The following MAP2K4 variants were observed in gnomAD, a reference collection of about 807,000 sequenced individuals.
The protein encoded by MAP2K4 is dual specificity mitogen-activated protein kinase kinase 4.
A neutral mutation model predicts 48.5 loss-of-function variants in MAP2K4; 4 were observed. The observed-to-expected ratio is 0.08, with a 90% CI of 0.04 to 0.19. The LOEUF (loss-of-function observed/expected upper bound fraction) is 0.19, where lower values mean the gene tolerates loss of function less well. Ranked by LOEUF, MAP2K4 falls within the 10% of genes least tolerant of loss-of-function variation. The probability of loss-of-function intolerance (pLI) is 1.00; values close to 1 mark genes in which losing one functional copy is unlikely to be tolerated. For missense variants in MAP2K4, 258 were observed against 493.3 expected, an observed-to-expected ratio of 0.52 and a Z score of 4.52; for synonymous variants, 166 against 173.1, an observed-to-expected ratio of 0.96 and a Z score of 0.32.
Position 12,129,297 on chromosome 17 carries a change from T to G in MAP2K4, c.1040+10T>G. 6.2e-7 allele frequency: 1 copy of G among 1,614,216 alleles called. No individual in the cohort carries two copies. On this transcript the variant is annotated intron_variant, in intron 9 of 10. Coordinates refer to ENST00000353533, the MANE Select transcript of MAP2K4 (RefSeq NM_003010.4). ...ACTTTGTCAACTTGTGGTGAGTACCTGATTTATGAATGGTCGAACACGCAT... is the reference window on the plus strand; with the variant it reads ...ACTTTGTCAACTTGTGGTGAGTACCGGATTTATGAATGGTCGAACACGCAT...
intron 9 of MAP2K4, among the ~76,000 whole-genome samples, chr17:12,132,610 GAAA>G (rs920140357): frequency 7.2e-6 from 1 of 138,686 alleles, no homozygotes; most frequent in Non-Finnish European, 1.6e-5. Flanking sequence ...TTTTCCTAAG[GAAA>G]AAAAAAAAAG....
chr17:12,091,664 A>G (rs916878569), intron 3 of MAP2K4, among the ~76,000 whole-genome samples: 11 of 152,082 alleles, frequency 7.2e-5, no homozygotes, highest in African/African-American at 9.7e-5. Context: ...GTGACTCTCA[A>G]TTGGAGTGAT....
intron 3 of MAP2K4, 86 bp from the exon 4 acceptor site, chr17:12,095,488 GT>G: frequency 6.7e-7 from 1 of 1,483,496 alleles, no homozygotes; most frequent in Non-Finnish European, 9.4e-7. Flanking sequence ...TCTCGTAACG[GT>G]TTTTCTCTAC....
At chr17:12,123,507 C>G (rs1972759004) in intron 7 of MAP2K4, among the ~76,000 whole-genome samples, 1 of 152,050 alleles carries the variant, frequency 6.6e-6, no homozygotes, top group East Asian at 1.9e-4. Context: ...TGACTTTTCT[C>G]TATTGTTTTT....
At chr17:12,058,929 C>CT (rs1281392203) in intron 2 of MAP2K4, among the ~76,000 whole-genome samples, 1 of 152,102 alleles carries the variant, frequency 6.6e-6, no homozygotes, top group Admixed American at 6.5e-5. Context: ...AGAGTTCCTT[C>CT]TCTTGAAATC....
chr17:12,065,999 T>C (rs1970605936), intron 2 of MAP2K4, among the ~76,000 whole-genome samples: 2 of 152,196 alleles, frequency 1.3e-5, no homozygotes, highest in Middle Eastern at 6.3e-3. Context: ...TCAAGTTTCT[T>C]TTGAGAATTA....
chr17:12,095,453 A>G (rs774394083), intron 3 of MAP2K4, 122 bp from the exon 4 acceptor site: 2 of 960,408 alleles, frequency 2.1e-6, no homozygotes, highest in Non-Finnish European at 3.3e-6. Context: ...CATATCTGGT[A>G]TTTGTGAAGT....
intron 7 of MAP2K4, among the ~76,000 whole-genome samples, chr17:12,119,937 C>CTT (rs1972630135): frequency 6.6e-6 from 1 of 152,166 alleles, no homozygotes; most frequent in African/African-American, 2.4e-5. Flanking sequence ...CACATGTTCT[C>CTT]TTAAGTGGGA....
rs573877103 is a variant in MAP2K4, at chr17:12,049,265, C to T, written c.116-5624C>T. On this transcript the variant is annotated intron_variant, in intron 1 of 10. Coordinates refer to ENST00000353533, the MANE Select transcript of MAP2K4 (RefSeq NM_003010.4). ...TCTCTGCGATGTGATGTTCTGAATA[C>T]TTGTAAGTCAAATACCAATATTCTT... 2.0e-5 allele frequency among the ~76,000 whole-genome samples: 3 copies of T among 152,282 alleles called. No homozygotes were observed. In the South Asian group the frequency reaches 6.2e-4, roughly 32 times the overall value.
intron 2 of MAP2K4, among the ~76,000 whole-genome samples, chr17:12,060,979 C>T (rs1217519863): frequency 6.6e-6 from 1 of 152,058 alleles, no homozygotes; most frequent in Non-Finnish European, 1.5e-5. Context: ...CTTATTCTCC[C>T]TTCCTTCTAG....
chr17:12,117,301 C>T (rs149896633), intron 7 of MAP2K4, among the ~76,000 whole-genome samples: 257 of 152,158 alleles, frequency 1.7e-3, no homozygotes, highest in African/African-American at 2.6e-3. Context: ...AAATATGAAA[C>T]GTTACCAACA....
At chr17:12,088,461 T>C (rs71364146) in intron 3 of MAP2K4, among the ~76,000 whole-genome samples, 25 of 48,916 alleles carry the variant, frequency 5.1e-4, no homozygotes, top group African/African-American at 6.2e-4. Flanking sequence ...TTAAATATTA[T>C]ACAATATTAA....
At chr17:12,113,897 A>G (rs1405762565) in intron 7 of MAP2K4, among the ~76,000 whole-genome samples, 1 of 152,168 alleles carries the variant, frequency 6.6e-6, no homozygotes, top group Non-Finnish European at 1.5e-5. Context: ...TATCAAACTC[A>G]TCTTACCCCA....
At chr17:12,064,986 A>C (rs1970564928) in intron 2 of MAP2K4, among the ~76,000 whole-genome samples, 1 of 152,188 alleles carries the variant, frequency 6.6e-6, no homozygotes. Context: ...ATCTCTATGA[A>C]ATCTAGAGTA....
At chr17:12,115,816 C>G in intron 7 of MAP2K4, 1 of 726,062 alleles carries the variant, frequency 1.4e-6, no homozygotes, top group East Asian at 2.7e-5. Context: ...GCTCTGCTGA[C>G]AGGAGCTGCA....
intron 2 of MAP2K4, among the ~76,000 whole-genome samples, chr17:12,057,630 C>T (rs1412496873): frequency 6.6e-6 from 1 of 151,864 alleles, no homozygotes; most frequent in African/African-American, 2.4e-5. Context: ...TCATGTTTTT[C>T]CTATCATCTT....
chr17:12,034,889 C>A (rs1357126509), intron 1 of MAP2K4, among the ~76,000 whole-genome samples: 5 of 152,110 alleles, frequency 3.3e-5, no homozygotes, highest in Non-Finnish European at 7.3e-5. Context: ...ATGGGCCTAC[C>A]CTGCTTTGGA....
At chr17:12,083,217 AG>A (rs1567650658) in intron 3 of MAP2K4, among the ~76,000 whole-genome samples, 1 of 152,236 alleles carries the variant, frequency 6.6e-6, no homozygotes, top group Non-Finnish European at 1.5e-5. Context: ...AAAGGTAAAG[AG>A]GGTACTTCCT....
intron 2 of MAP2K4, among the ~76,000 whole-genome samples, chr17:12,055,933 C>T (rs1970271910): frequency 6.6e-6 from 1 of 152,034 alleles, no homozygotes; most frequent in African/African-American, 2.4e-5. Context: ...TTTTATTAGA[C>T]TGGTGTTCAT....
Sources: gnomAD v4.1 joint callset for allele counts (sites outside exome capture counted in the v4.1 genomes callset) on GRCh38, gnomAD v4.1.1 for gene constraint, MANE v1.5 for transcripts, NCBI Gene and HGNC (gene_info 2026-07-23, HGNC 2026-07-21) for gene names.